SGMS1: variants seen among roughly 807,000 people sequenced by gnomAD.
SGMS1 encodes the protein phosphatidylcholine:ceramide cholinephosphotransferase 1.
A neutral mutation model predicts 46.2 loss-of-function variants in SGMS1; 13 were observed. The observed-to-expected ratio is 0.28, with a 90% CI of 0.18 to 0.45. The LOEUF (loss-of-function observed/expected upper bound fraction) is 0.45. Ranked by LOEUF, SGMS1 falls within the 20% of genes least tolerant of loss-of-function variation. The probability of loss-of-function intolerance (pLI) is 1.00; values close to 1 mark genes in which losing one functional copy is unlikely to be tolerated. For missense variants in SGMS1, 324 were observed against 519.9 expected (o/e 0.62, Z 3.66); for synonymous variants, 203 against 187.8 (o/e 1.08, Z -0.66).
intron 3 of SGMS1, among the ~76,000 whole-genome samples, chr10:50,507,058 G>A (rs1052203439): frequency 1.3e-5 from 2 of 152,102 alleles, no homozygotes; most frequent in Admixed American, 1.3e-4. Flanking sequence ...AACTCCCCCA[G>A]GCTTATAGGC....
chr10:50,539,570 A>G (rs1314834864), intron 2 of SGMS1, among the ~76,000 whole-genome samples: 2 of 152,226 alleles, frequency 1.3e-5, no homozygotes. Flanking sequence ...GTACAAAGTG[A>G]TCACTTTAAA....
At chr10:50,420,317 A>T (rs1849238067) in intron 6 of SGMS1, among the ~76,000 whole-genome samples, 1 of 152,128 alleles carries the variant, frequency 6.6e-6, no homozygotes, top group Admixed American at 6.5e-5. Flanking sequence ...GGCTTCTTTC[A>T]TATCTGGACC....
At chr10:50,444,495 C>A (rs768585577) in intron 5 of SGMS1, among the ~76,000 whole-genome samples, 13 of 152,108 alleles carry the variant, frequency 8.5e-5, no homozygotes, top group Non-Finnish European at 1.5e-4. Context: ...CAAAATAATT[C>A]AGTGGGTGTA....
chr10:50,486,989 G>A (rs1179355800), intron 3 of SGMS1, among the ~76,000 whole-genome samples: 1 of 152,202 alleles, frequency 6.6e-6, no homozygotes, highest in African/African-American at 2.4e-5. Context: ...AGAAAGGAAT[G>A]AGATCATGTC....
intron 1 of SGMS1, among the ~76,000 whole-genome samples, chr10:50,606,892 A>T (rs1838701960): frequency 6.6e-6 from 1 of 151,974 alleles, no homozygotes; most frequent in Admixed American, 6.6e-5. Flanking sequence ...ACTATATGAC[A>T]CTCAAGATTT....
chr10:50,561,718 T>C (rs1838238215), intron 2 of SGMS1, among the ~76,000 whole-genome samples: 1 of 152,168 alleles, frequency 6.6e-6, no homozygotes, highest in South Asian at 2.1e-4. Flanking sequence ...TCAATTGATG[T>C]AGGAGAACTA....
intron 1 of SGMS1, among the ~76,000 whole-genome samples, chr10:50,617,912 C>G (rs181132894): frequency 3.8e-4 from 55 of 143,514 alleles, no homozygotes; most frequent in Non-Finnish European, 4.4e-4. Flanking sequence ...GAGACAGGGT[C>G]TCTCCATGTT....
chr10:50,553,985 T>C (rs1455522780), intron 2 of SGMS1, among the ~76,000 whole-genome samples: 1 of 152,196 alleles, frequency 6.6e-6, no homozygotes, highest in African/African-American at 2.4e-5. Context: ...GTACAATATA[T>C]GAAAGTCTTC....
At chr10:50,313,903 A>G (rs1370459789) in intron 8 of SGMS1, among the ~76,000 whole-genome samples, 1 of 152,192 alleles carries the variant, frequency 6.6e-6, no homozygotes, top group Non-Finnish European at 1.5e-5. Flanking sequence ...CCTTTTCAAA[A>G]TATCTTCCTA....
At chr10:50,371,282 C>T (rs570463366) in intron 6 of SGMS1, among the ~76,000 whole-genome samples, 8 of 152,318 alleles carry the variant, frequency 5.3e-5, no homozygotes, top group South Asian at 2.1e-4. Flanking sequence ...GCATGACTCT[C>T]CTTTCCATTG....
At chr10:50,593,077 G>T (rs191154748) in intron 1 of SGMS1, among the ~76,000 whole-genome samples, 8 of 152,298 alleles carry the variant, frequency 5.3e-5, no homozygotes, top group African/African-American at 1.9e-4. Flanking sequence ...TTTTCGGAGG[G>T]AAGCTGGCTG....
intron 9 of SGMS1, among the ~76,000 whole-genome samples, chr10:50,310,946 C>T (rs1847243177): frequency 6.6e-6 from 1 of 152,176 alleles, no homozygotes; most frequent in South Asian, 2.1e-4. Flanking sequence ...TTCTGTGTCC[C>T]TTTGAGATTT....
chr10:50,571,605 C>G (rs1432693786), intron 2 of SGMS1, among the ~76,000 whole-genome samples: 1 of 152,042 alleles, frequency 6.6e-6, no homozygotes, highest in African/African-American at 2.4e-5. Context: ...ATAACATCTG[C>G]TGTGTATTTA....
At chr10:50,552,756 T>C (rs998207641) in intron 2 of SGMS1, among the ~76,000 whole-genome samples, 6 of 152,218 alleles carry the variant, frequency 3.9e-5, no homozygotes. Context: ...AAAAGGACTT[T>C]ACAGGTGTGA....
Position 50,318,865 on chromosome 10 carries a change from G to A in SGMS1, c.742-7450C>T, listed in dbSNP as rs144489934. On this transcript the variant is annotated intron_variant, in intron 8 of 10. Transcript: ENST00000361781. The stretch of plus-strand genomic sequence containing the variant: ...CTAGGCAGACTTGTTTTAGGGATAG[G>A]GGGTGTCTCTAAGCAATTATCAGCA... Among the ~76,000 whole-genome samples the A allele has an allele frequency of 4.7e-3, 715 of 152,108 alleles. 10 individuals carry two copies. Among genetic ancestry groups the A allele is most frequent in the African/African-American group, 0.016 (677 of 41,492 alleles).
At chr10:50,473,822 C>T (rs555298973) in intron 3 of SGMS1, 7 of 152,346 alleles carry the variant, frequency 4.6e-5, no homozygotes, top group African/African-American at 1.4e-4. Flanking sequence ...TCCACAAGCA[C>T]ACAGCCATAG....
rs1176044319 is a variant in SGMS1 at position 50,623,735 on chromosome 10, A to C, written c.-712T>G. 4 of 985,260 alleles carry C rather than the reference A, an allele frequency of 4.1e-6. No homozygotes were observed. In the African/African-American group the frequency reaches 7.0e-5, roughly 17 times the overall value. The allele number at this position is 985,260 out of a possible 1,614,324, so 61.0% of individuals were successfully genotyped here. On this transcript the variant is annotated 5_prime_UTR_variant, in exon 1 of 11. Coordinates refer to ENST00000361781, the MANE Select transcript of SGMS1 (RefSeq NM_147156.4). The stretch of plus-strand genomic sequence containing the variant: ...CACTGGAGTCACGGCAGCCGCCGGA[A>C]TTCCGCTCGCGGAGCCCCCGCCGCG...
chr10:50,624,599 G>A, upstream of SGMS1: 3 of 985,334 alleles, frequency 3.0e-6, no homozygotes, highest in Non-Finnish European at 3.6e-6. Context: ...CGCCCCGCCT[G>A]GGGCCCACCT....
upstream of SGMS1, chr10:50,624,670 C>T (rs938561400): frequency 2.3e-5 from 23 of 985,476 alleles, 1 homozygote; most frequent in African/African-American, 2.6e-4. Flanking sequence ...GGTCGGAGCC[C>T]GCGCATGCCC....
Sources: allele counts gnomAD v4.1 joint callset (sites outside exome capture counted in the v4.1 genomes callset), GRCh38; gene constraint gnomAD v4.1.1; transcripts MANE v1.5; gene names NCBI Gene and HGNC (gene_info 2026-07-23, HGNC 2026-07-21).